Variants in XKR6 observed in about 807,000 individuals in gnomAD.
XKR6 encodes the protein XK related 6, also known as XK-related protein 6.
A neutral mutation model predicts 56.7 loss-of-function variants in XKR6; 22 were observed. The ratio of observed to expected loss-of-function variants is 0.39; its 90% CI spans 0.28 to 0.55. The LOEUF (loss-of-function observed/expected upper bound fraction) is 0.55, where lower values mean the gene tolerates loss of function less well. Ranked by LOEUF, XKR6 falls within the 20% of genes least tolerant of loss-of-function variation. XKR6 has a pLI of 0.66. For synonymous variants in XKR6, 524 were observed against 387.8 expected, an observed-to-expected ratio of 1.35 and a Z score of -4.13; for missense variants, 852 against 889.0, an observed-to-expected ratio of 0.96 and a Z score of 0.53.
At chr8:11,039,384 A>C (rs1381361704) in intron 1 of XKR6, among the ~76,000 whole-genome samples, 1 of 152,240 alleles carries the variant, frequency 6.6e-6, no homozygotes, top group Non-Finnish European at 1.5e-5. Flanking sequence ...CTGCAGCCTC[A>C]GATGGGCCTG....
At chr8:11,028,410 G>A (rs893723310) in intron 1 of XKR6, among the ~76,000 whole-genome samples, 13 of 152,188 alleles carry the variant, frequency 8.5e-5, no homozygotes, top group African/African-American at 2.9e-4. Flanking sequence ...GCTGCTATAC[G>A]CATCTGTATG....
rs936023037 is a variant in XKR6 at position 11,181,570 on chromosome 8, G to T, written c.764+19006C>A. Among the ~76,000 whole-genome samples the T allele has an allele frequency of 8.5e-5, 13 of 152,166 alleles. No homozygotes were observed. In the South Asian group the frequency reaches 2.7e-3, roughly 32 times the overall value. ...TATTTGGAGAATTTATTAATATTTT[G>T]AACACATAAGCAAGGTTTGTTTTGT... On this transcript the variant is annotated intron_variant, in intron 1 of 2. Transcript: ENST00000416569.
At chr8:11,062,300 T>A (rs1799855432) in intron 1 of XKR6, among the ~76,000 whole-genome samples, 1 of 151,976 alleles carries the variant, frequency 6.6e-6, no homozygotes, top group Non-Finnish European at 1.5e-5. Flanking sequence ...GCTGCAGGCT[T>A]CTCAAAAGAC....
In XKR6 at chr8:10,898,302, C is replaced by T. The variant is rs141287327; in HGVS notation, c.1576G>A (p.Val526Ile). The change falls in exon 3 of 3, where the codon GTT becomes ATT. Residue 526 changes from valine to isoleucine, a missense_variant. This residue lies in a region of XKR6 where 197 missense variants were observed against 190.9 expected (regional missense o/e 1.03). Transcript: ENST00000416569. This position sits in a 1 kb window ranked among gnomAD's most constrained non-coding sequence, Gnocchi z 6.6. ...LLWGIPLPPD[V>I]EPMAPEIPGY... is the part of the protein sequence containing the mutation. The stretch of plus-strand genomic sequence containing the variant: ...GGGATCTCAGGCGCCATGGGCTCAA[C>T]ATCGGGGGGCAAAGGGATGCCCCAG... 4.3e-6 allele frequency: 7 copies of T among 1,614,076 alleles called. No homozygotes were observed. Among genetic ancestry groups the T allele is most frequent in the Non-Finnish European group, 5.9e-6 (7 of 1,179,968 alleles).
intron 1 of XKR6, among the ~76,000 whole-genome samples, chr8:11,001,851 G>A (rs1403801708): frequency 6.6e-6 from 1 of 152,194 alleles, no homozygotes; most frequent in Non-Finnish European, 1.5e-5. Flanking sequence ...TGTGCTGTGG[G>A]TCTGGTCTCA....
intron 1 of XKR6, among the ~76,000 whole-genome samples, chr8:10,998,688 T>C (rs1426680692): frequency 1.3e-5 from 2 of 152,110 alleles, no homozygotes; most frequent in Non-Finnish European, 2.9e-5. Context: ...GCTAGGACAC[T>C]CACTGCCTCC....
intron 1 of XKR6, among the ~76,000 whole-genome samples, chr8:11,056,922 C>T (rs1018565016): frequency 5.3e-5 from 8 of 152,144 alleles, no homozygotes; most frequent in African/African-American, 1.9e-4. Flanking sequence ...TCTCACTTCT[C>T]CCAGTCCAGG....
At chr8:11,075,077 T>C (rs916185585) in intron 1 of XKR6, among the ~76,000 whole-genome samples, 7 of 151,754 alleles carry the variant, frequency 4.6e-5, no homozygotes, top group Admixed American at 3.3e-4. Flanking sequence ...CTAGTACAGG[T>C]GGGGAGGGAA....
chr8:11,048,244 A>C (rs920275568), intron 1 of XKR6, among the ~76,000 whole-genome samples: 2 of 152,112 alleles, frequency 1.3e-5, no homozygotes, highest in Non-Finnish European at 2.9e-5. Flanking sequence ...CACCATCAGC[A>C]AGGGGAATCC....
chr8:11,135,615 T>TA (rs1350087760), intron 1 of XKR6, among the ~76,000 whole-genome samples: 1 of 152,042 alleles, frequency 6.6e-6, no homozygotes, highest in Non-Finnish European at 1.5e-5. Context: ...TCACATTAAC[T>TA]AAAATAGTGT....
At chr8:11,095,850 G>C (rs1798250269) in intron 1 of XKR6, among the ~76,000 whole-genome samples, 1 of 152,164 alleles carries the variant, frequency 6.6e-6, no homozygotes, top group African/African-American at 2.4e-5. Context: ...ATTCATGGTT[G>C]TATGTTCCTC....
At chr8:11,149,513 T>C (rs1213115591) in intron 1 of XKR6, among the ~76,000 whole-genome samples, 1 of 152,130 alleles carries the variant, frequency 6.6e-6, no homozygotes, top group Non-Finnish European at 1.5e-5. Flanking sequence ...TTCAGAATGG[T>C]TCCATATTTA....
intron 1 of XKR6, among the ~76,000 whole-genome samples, chr8:11,107,172 A>T (rs889024983): frequency 6.6e-6 from 1 of 151,988 alleles, no homozygotes; most frequent in African/African-American, 2.4e-5. Context: ...AAAGAAAAGC[A>T]ACACGGATAA....
intron 1 of XKR6, among the ~76,000 whole-genome samples, chr8:11,015,697 A>AAGGAGCG (rs1234454945): frequency 6.6e-6 from 1 of 152,112 alleles, no homozygotes. Flanking sequence ...TCAGAACCAG[A>AAGGAGCG]AGGAGCGAGG....
intron 1 of XKR6, among the ~76,000 whole-genome samples, chr8:11,181,818 A>G (rs765701798): frequency 3.5e-4 from 53 of 152,120 alleles, no homozygotes; most frequent in Non-Finnish European, 6.5e-4. Flanking sequence ...AAACAACCCT[A>G]TGACATAGTA....
chr8:10,900,366 G>C (rs17152673), intron 2 of XKR6, among the ~76,000 whole-genome samples: 1 of 152,086 alleles, frequency 6.6e-6, no homozygotes, highest in African/African-American at 2.4e-5. Flanking sequence ...TGAAGAATCC[G>C]AGTTCTCTGC....
In XKR6 at chr8:11,152,059, C is replaced by T. The variant is rs192301329; in HGVS notation, c.764+48517G>A. Among the ~76,000 whole-genome samples, 716 of 152,216 alleles carry T rather than the reference C, an allele frequency of 4.7e-3. 6 individuals are homozygous for T. Among genetic ancestry groups the T allele is most frequent in the African/African-American group, 0.015 (635 of 41,520 alleles). ...AATTACTATCAAAACAAAGCGGTCC[C>T]TTTTTTCTCAATTTACATTAAGGTA... On this transcript the variant is annotated intron_variant, in intron 1 of 2. Coordinates refer to ENST00000416569, the MANE Select transcript of XKR6 (RefSeq NM_173683.4).
At chr8:11,158,970 C>T (rs1208982612) in intron 1 of XKR6, among the ~76,000 whole-genome samples, 1 of 152,186 alleles carries the variant, frequency 6.6e-6, no homozygotes, top group East Asian at 1.9e-4. Flanking sequence ...CAGTAGGACA[C>T]GTGATTAAAA....
At chr8:11,146,608 A>G (rs1449641048) in intron 1 of XKR6, among the ~76,000 whole-genome samples, 1 of 150,166 alleles carries the variant, frequency 6.7e-6, no homozygotes, top group Non-Finnish European at 1.5e-5. Context: ...CTGCCTGTGT[A>G]GAGTGAGACC....
Sources: gnomAD v4.1 joint callset for allele counts (sites outside exome capture counted in the v4.1 genomes callset) on GRCh38, gnomAD v4.1.1 for gene constraint, gnomAD v4.1.1 regional missense constraint, Gnocchi (gnomAD v3.1) non-coding constraint, MANE v1.5 for transcripts, NCBI Gene and HGNC (gene_info 2026-07-23, HGNC 2026-07-21) for gene names.